Variants in RNF145 observed in about 807,000 individuals in gnomAD.
The protein encoded by RNF145 is ring finger protein 145.
A neutral mutation model predicts 57.3 loss-of-function variants in RNF145; 12 were observed. That is an observed-to-expected ratio of 0.21 (90% CI 0.13 to 0.34). The LOEUF (loss-of-function observed/expected upper bound fraction) is 0.34. Among genes scored for constraint, RNF145 ranks in the 10% least tolerant of loss-of-function variants. The probability of loss-of-function intolerance (pLI) is 1.00; values close to 1 mark genes in which losing one functional copy is unlikely to be tolerated. For synonymous variants in RNF145, 262 were observed against 288.3 expected, an observed-to-expected ratio of 0.91 and a Z score of 0.92; for missense variants, 429 against 799.0, an observed-to-expected ratio of 0.54 and a Z score of 5.58.
intron 2 of RNF145, among the ~76,000 whole-genome samples, chr5:159,197,475 T>C (rs932399123): frequency 1.3e-5 from 2 of 152,204 alleles, no homozygotes; most frequent in African/African-American, 2.4e-5. Context: ...AAAAGCACCA[T>C]TGCTCATCTA....
Position 159,161,382 on chromosome 5 carries a change from G to C in RNF145, c.1510C>G (p.Leu504Val). 1 of 1,614,100 alleles carries C rather than the reference G, an allele frequency of 6.2e-7. No homozygotes were observed. The highest frequency in any genetic ancestry group is 8.5e-7 in the Non-Finnish European group (1 of 1,179,988). Residue 504 changes from leucine (L) to valine (V), a missense_variant, in exon 10 of 11, where the codon CTG becomes GTG. This residue lies in a region of RNF145 where 216 missense variants were observed against 457.6 expected (regional missense o/e 0.47). Transcript: ENST00000424310. ...SYYNVWLRAQ[L>V]GWKSFLLRRD... Reference sequence around the variant, plus strand: ...CGGAGAAGAAAGCTCTTCCACCCCAGCTGGGCCCGAAGCCACACGTTATAG... The same window carrying C: ...CGGAGAAGAAAGCTCTTCCACCCCACCTGGGCCCGAAGCCACACGTTATAG...
chr5:159,182,959 C>T (rs532700734), intron 3 of RNF145, among the ~76,000 whole-genome samples: 1 of 152,156 alleles, frequency 6.6e-6, no homozygotes, highest in East Asian at 1.9e-4. Context: ...TTACTTTTTC[C>T]ATGAAATGAC....
At chr5:159,169,454 G>C (rs1784479946) in intron 7 of RNF145, among the ~76,000 whole-genome samples, 1 of 152,098 alleles carries the variant, frequency 6.6e-6, no homozygotes, top group Non-Finnish European at 1.5e-5. Flanking sequence ...AGGGAAGGAA[G>C]GTGCCCAATA....
At chr5:159,208,337 G>A (rs1213751240) in intron 1 of RNF145, among the ~76,000 whole-genome samples, 3 of 152,166 alleles carry the variant, frequency 2.0e-5, no homozygotes, top group Non-Finnish European at 4.4e-5. Context: ...GTCGCGCCAC[G>A]CCACGTACCA....
chr5:159,209,696 C>T (rs1327928814), upstream of RNF145: 9 of 1,012,448 alleles, frequency 8.9e-6, no homozygotes, highest in East Asian at 2.3e-4. Context: ...GGGCGGGAGA[C>T]ATAAGCCTAG....
rs1341983107 is a variant in RNF145 at position 159,168,769 on chromosome 5, C to G, written c.1121+104G>C. The G allele has an allele frequency of 6.2e-6, 4 of 648,194 alleles. No homozygotes were observed. In the East Asian group the frequency reaches 1.3e-4, roughly 21 times the overall value. 40.2% of individuals were successfully genotyped at this position (648,194 alleles called of 1,614,324 possible). ...TTAACCTAAGCTAATACCAATTACCCATATCCATTTTCTGTCTCTAAATAT... is the reference window on the plus strand; with the variant it reads ...TTAACCTAAGCTAATACCAATTACCGATATCCATTTTCTGTCTCTAAATAT... On this transcript the variant is annotated intron_variant, in intron 8 of 10. Coordinates refer to ENST00000424310, the MANE Select transcript of RNF145 (RefSeq NM_001199383.2).
At position 159,203,632 on chromosome 5, in the gene RNF145, TC is replaced by T. The variant is rs368977591; in HGVS notation, c.-16del. On this transcript the variant is annotated 5_prime_UTR_variant, in exon 2 of 11. Transcript: ENST00000424310. ...TTTGCAGCCATGTTGTTTTTTTTTT[TC>T]TTTTTTTTTTTCTTGGAGAAGACCT... 3.2e-6 allele frequency: 5 copies of T among 1,586,018 alleles called. No homozygotes were observed. The highest frequency in any genetic ancestry group is 1.8e-5 in the Admixed American group (1 of 54,484).
intron 4 of RNF145, among the ~76,000 whole-genome samples, chr5:159,181,517 A>ACACTT (rs923113167): frequency 6.6e-6 from 1 of 152,130 alleles, no homozygotes; most frequent in African/African-American, 2.4e-5. Flanking sequence ...GCCTTAGCCA[A>ACACTT]CACTTCTATT....
Position 159,163,045 on chromosome 5 carries a change from A to G in RNF145, c.1156T>C (p.Cys386Arg). The change falls in exon 9 of 11, where the codon TGT (cysteine) becomes CGT (arginine). Residue 386 changes from cysteine (C) to arginine (R), a missense_variant. Cys to Arg is a radical substitution (Grantham distance 180). Coordinates refer to ENST00000424310, the MANE Select transcript of RNF145 (RefSeq NM_001199383.2). The stretch of plus-strand genomic sequence containing the variant: ...GCAGGGAATACCAATAAAAATAAAC[A>G]AAGGCTTACAGCACGGAAGTGTTTC... ...LWKHFRAVSL[C>R]LFLLVFPAYM... The G allele has an allele frequency of 6.2e-7, 1 of 1,608,978 alleles. No homozygotes were observed. Among genetic ancestry groups the G allele is most frequent in the South Asian group, 1.1e-5 (1 of 89,608 alleles).
chr5:159,203,677 T>A, intron 1 of RNF145, 21 bp from the exon 2 acceptor site: 2 of 1,499,110 alleles, frequency 1.3e-6, no homozygotes, highest in Middle Eastern at 1.9e-4. Flanking sequence ...GAAGACACAA[T>A]ATATAAAAAT....
intron 3 of RNF145, among the ~76,000 whole-genome samples, chr5:159,192,058 A>G (rs893116696): frequency 6.6e-6 from 1 of 152,124 alleles, no homozygotes; most frequent in Non-Finnish European, 1.5e-5. Flanking sequence ...TCAGAAAAAA[A>G]AAAAAACTGC....
intron 8 of RNF145, 148 bp from the exon 9 acceptor site, chr5:159,163,227 T>C: frequency 1.5e-6 from 1 of 685,090 alleles, no homozygotes; most frequent in Non-Finnish European, 2.4e-6. Context: ...GTACTAGAGT[T>C]CAGACCAAGT....
Position 159,203,605 on chromosome 5 carries a change from C to T in RNF145, c.13G>A (p.Glu5Lys). 6.2e-7 allele frequency: 1 copy of T among 1,612,116 alleles called. No individual in the cohort carries two copies. The highest frequency in any genetic ancestry group is 1.1e-5 in the South Asian group (1 of 90,262). Residue 5 changes from glutamate (E) to lysine (K), a missense_variant, in exon 2 of 11, where the codon GAG becomes AAG. Coordinates refer to ENST00000424310, the MANE Select transcript of RNF145 (RefSeq NM_001199383.2). ...ACATTTAACACTGCCTCCAGTTTCTCCTTTGCAGCCATGTTGTTTTTTTTT... is the reference window on the plus strand; with the variant it reads ...ACATTTAACACTGCCTCCAGTTTCTTCTTTGCAGCCATGTTGTTTTTTTTT... MAAK[E>K]KLEAVLNVAL...
At chr5:159,196,835 C>A (rs749755238) in intron 2 of RNF145, among the ~76,000 whole-genome samples, 2 of 152,316 alleles carry the variant, frequency 1.3e-5, no homozygotes, top group Non-Finnish European at 2.9e-5. Context: ...CATGAAACTT[C>A]TCCTTAAACT....
Position 159,182,068 on chromosome 5 carries a change from A to G in RNF145, c.294-17T>C. The G allele has an allele frequency of 7.0e-7, 1 of 1,424,136 alleles. No individual in the cohort carries two copies. The highest frequency in any genetic ancestry group is 9.9e-7 in the Non-Finnish European group (1 of 1,007,984). The allele number at this position is 1,424,136 out of a possible 1,614,324, so 88.2% of individuals were successfully genotyped here. On this transcript the variant is annotated splice_polypyrimidine_tract_variant and intron_variant, in intron 3 of 10. Coordinates refer to ENST00000424310, the MANE Select transcript of RNF145 (RefSeq NM_001199383.2). ...ACATAGTCCCTAAATAAGAAAATTG[A>G]TTAGAATGTATATATTAGATACATT...
chr5:159,177,949 G>C (rs888384477), intron 4 of RNF145, among the ~76,000 whole-genome samples: 1 of 152,092 alleles, frequency 6.6e-6, no homozygotes, highest in Admixed American at 6.6e-5. Flanking sequence ...TTTTCTGCTA[G>C]AATACGTATC....
rs145617636 is a variant in RNF145 at position 159,161,133 on chromosome 5, T to G, written c.1626+133A>C. 1,042 of 596,466 alleles carry G rather than the reference T, an allele frequency of 1.7e-3. 4 individuals are homozygous for G. The African/African-American group carries it at 0.018, about 10-fold the overall frequency. 36.9% of individuals were successfully genotyped at this position (596,466 alleles called of 1,614,324 possible). On this transcript the variant is annotated intron_variant, in intron 10 of 10. Coordinates refer to ENST00000424310, the MANE Select transcript of RNF145 (RefSeq NM_001199383.2). ...TATTTTATCAGGTCTTTAATATAAT[T>G]TCTGAGGTCCATTTTTTTTAATCCA... is the stretch of plus-strand genomic sequence containing the variant.
chr5:159,169,565 A>G (rs1311400034), intron 7 of RNF145, 114 bp downstream of exon 7: 1 of 842,302 alleles, frequency 1.2e-6, no homozygotes, highest in African/African-American at 1.8e-5. Flanking sequence ...CATTCAAAAA[A>G]AACCTCTCCA....
chr5:159,187,740 T>C (rs1341035355), intron 3 of RNF145, among the ~76,000 whole-genome samples: 1 of 152,118 alleles, frequency 6.6e-6, no homozygotes, highest in Non-Finnish European at 1.5e-5. Flanking sequence ...ATCACTGGGG[T>C]CTAGTGGGTA....
Sources: allele counts gnomAD v4.1 joint callset (sites outside exome capture counted in the v4.1 genomes callset), GRCh38; gene constraint gnomAD v4.1.1; regional missense constraint gnomAD v4.1.1; transcripts MANE v1.5; gene names NCBI Gene and HGNC (gene_info 2026-07-23, HGNC 2026-07-21).